Variants in CCDC91 observed in about 807,000 individuals in gnomAD.
The protein encoded by CCDC91 is coiled-coil domain containing 91.
In CCDC91, 48 loss-of-function variants were observed where a neutral mutation model predicts 63.2. That is an observed-to-expected ratio of 0.76 (90% confidence interval 0.60 to 0.97). CCDC91 has a LOEUF of 0.97. Ranked by LOEUF, CCDC91 falls within the 50% of genes least tolerant of loss-of-function variation. CCDC91 has a pLI of 0.00. For synonymous variants in CCDC91, 167 were observed against 165.8 expected (o/e 1.01, Z -0.06); for missense variants, 500 against 494.6 (o/e 1.01, Z -0.10).
At chr12:28,326,987 G>A (rs192797315) in intron 6 of CCDC91, among the ~76,000 whole-genome samples, 147 of 152,182 alleles carry the variant, frequency 9.7e-4, no homozygotes, top group African/African-American at 3.3e-3. Context: ...GATATAGGGC[G>A]TCTTTAATGA....
chr12:28,289,906 A>G (rs1323864737), intron 3 of CCDC91, among the ~76,000 whole-genome samples: 2 of 151,500 alleles, frequency 1.3e-5, no homozygotes, highest in African/African-American at 4.9e-5. Flanking sequence ...GTTAGCCAGG[A>G]TGGTCTCGAT....
chr12:28,274,171 G>C (rs530238475), intron 3 of CCDC91, among the ~76,000 whole-genome samples: 31 of 152,110 alleles, frequency 2.0e-4, no homozygotes, highest in Non-Finnish European at 4.1e-4. Context: ...CATTATTTCT[G>C]AGGGCTCTGT....
At chr12:28,418,743 T>A (rs998330115) in intron 8 of CCDC91, among the ~76,000 whole-genome samples, 1 of 152,140 alleles carries the variant, frequency 6.6e-6, no homozygotes, top group Non-Finnish European at 1.5e-5. Context: ...AAAGGTCTTA[T>A]TTTCTTCTTC....
intron 6 of CCDC91, among the ~76,000 whole-genome samples, chr12:28,356,856 T>C (rs1428902632): frequency 6.6e-6 from 1 of 152,202 alleles, no homozygotes; most frequent in Non-Finnish European, 1.5e-5. Context: ...GCAGCTGCTT[T>C]CTGATAGATG....
intron 1 of CCDC91, among the ~76,000 whole-genome samples, chr12:28,194,263 C>T (rs1036507740): frequency 6.6e-6 from 1 of 152,110 alleles, no homozygotes; most frequent in African/African-American, 2.4e-5. Context: ...CTCTTTCTCT[C>T]TCTGTGTGTG....
intron 1 of CCDC91, among the ~76,000 whole-genome samples, chr12:28,206,326 C>T (rs1942848897): frequency 2.6e-5 from 4 of 152,168 alleles, no homozygotes; most frequent in Admixed American, 2.6e-4. Flanking sequence ...TTTGGGTTTC[C>T]AGTCTCAGCA....
chr12:28,529,986 A>G (rs940070257), intron 12 of CCDC91, among the ~76,000 whole-genome samples: 1 of 152,214 alleles, frequency 6.6e-6, no homozygotes, highest in African/African-American at 2.4e-5. Context: ...CACCCTCAGG[A>G]AATGAAAAAT....
chr12:28,472,659 C>T (rs1300945636), intron 11 of CCDC91, among the ~76,000 whole-genome samples: 4 of 152,110 alleles, frequency 2.6e-5, no homozygotes, highest in African/African-American at 9.7e-5. Flanking sequence ...TGTCTTTTCA[C>T]ACAGACAAGT....
chr12:28,486,082 G>A (rs1951710296), intron 12 of CCDC91, among the ~76,000 whole-genome samples: 1 of 152,106 alleles, frequency 6.6e-6, no homozygotes, highest in Non-Finnish European at 1.5e-5. Flanking sequence ...CAGAGCTTTA[G>A]AACGTATTCA....
intron 3 of CCDC91, among the ~76,000 whole-genome samples, chr12:28,294,140 GTT>G (rs1183316027): frequency 1.3e-5 from 2 of 152,228 alleles, no homozygotes; most frequent in African/African-American, 4.8e-5. Flanking sequence ...TGAAATGGTT[GTT>G]ATAGGGAGGA....
At chr12:28,358,263 C>T (rs1402273957) in intron 6 of CCDC91, among the ~76,000 whole-genome samples, 1 of 152,156 alleles carries the variant, frequency 6.6e-6, no homozygotes, top group East Asian at 1.9e-4. Context: ...ATTCAACAGA[C>T]ATCTACTTGA....
At chr12:28,220,831 T>C (rs1357818588) in intron 1 of CCDC91, among the ~76,000 whole-genome samples, 1 of 152,168 alleles carries the variant, frequency 6.6e-6, no homozygotes, top group Non-Finnish European at 1.5e-5. Context: ...CTTTTGTATA[T>C]AATGTGTTCT....
At chr12:28,464,130 G>A (rs1950439267) in intron 11 of CCDC91, among the ~76,000 whole-genome samples, 1 of 152,242 alleles carries the variant, frequency 6.6e-6, no homozygotes, top group African/African-American at 2.4e-5. Flanking sequence ...CCTGCCCACT[G>A]AGTGAGCATT....
At chr12:28,262,975 A>T (rs1429813786) in intron 3 of CCDC91, among the ~76,000 whole-genome samples, 1 of 151,936 alleles carries the variant, frequency 6.6e-6, no homozygotes, top group East Asian at 1.9e-4. Context: ...CTTCCATGCT[A>T]TTCTGCTTGA....
At chr12:28,242,282 A>G (rs574062069) in intron 1 of CCDC91, among the ~76,000 whole-genome samples, 1 of 152,304 alleles carries the variant, frequency 6.6e-6, no homozygotes, top group East Asian at 1.9e-4. Flanking sequence ...CCTTCTCATT[A>G]CAAACAAAGA....
At chr12:28,305,949 TA>T in intron 4 of CCDC91, 143 bp downstream of exon 4, 2 of 681,422 alleles carry the variant, frequency 2.9e-6, no homozygotes, top group Non-Finnish European at 4.7e-6. Flanking sequence ...TTGAGGCTAA[TA>T]CTTAGAATTC....
At chr12:28,313,636 T>G (rs1196160118) in intron 6 of CCDC91, among the ~76,000 whole-genome samples, 1 of 152,044 alleles carries the variant, frequency 6.6e-6, no homozygotes, top group Non-Finnish European at 1.5e-5. Flanking sequence ...TGATATGGTC[T>G]AATTACCAGG....
intron 3 of CCDC91, among the ~76,000 whole-genome samples, chr12:28,298,977 T>G (rs1292771845): frequency 3.3e-5 from 5 of 151,676 alleles, no homozygotes; most frequent in Non-Finnish European, 5.9e-5. Flanking sequence ...CCATCTTATG[T>G]CAGTATTTAG....
At chr12:28,305,501 A>G in intron 3 of CCDC91, 148 bp from the exon 4 acceptor site, 1 of 681,484 alleles carries the variant, frequency 1.5e-6, no homozygotes, top group Admixed American at 2.9e-5. Context: ...GAATAGTCAT[A>G]GAATCCTGAT....
Sources: allele counts gnomAD v4.1 joint callset (sites outside exome capture counted in the v4.1 genomes callset), GRCh38; gene constraint gnomAD v4.1.1; transcripts MANE v1.5; gene names NCBI Gene and HGNC (gene_info 2026-07-23, HGNC 2026-07-21).